Variants in MEI4 observed in about 807,000 individuals in gnomAD.
MEI4 encodes the protein meiotic double-stranded break formation protein 4.
In MEI4, 27 loss-of-function variants were observed where a neutral mutation model predicts 31.4. The observed-to-expected ratio is 0.86, with a 90% CI of 0.63 to 1.19. The LOEUF is 1.19. MEI4 is among the 50% of genes most tolerant of loss of function. The pLI is 0.00. For synonymous variants in MEI4, 122 were observed against 145.4 expected, an observed-to-expected ratio of 0.84 and a Z score of 1.16; for missense variants, 329 against 398.9, an observed-to-expected ratio of 0.82 and a Z score of 1.49.
rs182413714 is a variant in MEI4 at position 77,728,068 on chromosome 6, T to C, written c.233-33062T>C. On this transcript the variant is annotated intron_variant, in intron 2 of 4. Coordinates refer to ENST00000684080, the MANE Select transcript of MEI4 (RefSeq NM_001322247.2). The stretch of plus-strand genomic sequence containing the variant: ...AGAGTGAAGGTGAAAGGTGAAAGAA[T>C]TGGAAGGTGAATTAAAATTGCAGAC... 3.8e-3 allele frequency among the ~76,000 whole-genome samples: 576 copies of C among 152,294 alleles called. 2 individuals are homozygous for C. Among genetic ancestry groups the C allele is most frequent in the Non-Finnish European group, 5.9e-3 (404 of 68,032 alleles).
At chr6:77,896,262 C>A (rs1304155539) in intron 4 of MEI4, among the ~76,000 whole-genome samples, 1 of 152,054 alleles carries the variant, frequency 6.6e-6, no homozygotes, top group East Asian at 1.9e-4. Context: ...ATCACCATAT[C>A]CACCAGTCTG....
chr6:77,787,699 TAACC>T (rs1349709887), intron 3 of MEI4, among the ~76,000 whole-genome samples: 1 of 152,094 alleles, frequency 6.6e-6, no homozygotes, highest in Non-Finnish European at 1.5e-5. Flanking sequence ...AAGGCTCTAA[TAACC>T]AACCATAAAG....
At chr6:77,894,175 GTGTT>G (rs1319192498) in intron 4 of MEI4, among the ~76,000 whole-genome samples, 4 of 152,056 alleles carry the variant, frequency 2.6e-5, no homozygotes, top group East Asian at 1.9e-4. Flanking sequence ...ATGTGACAAA[GTGTT>G]TGAAATATTA....
chr6:77,722,540 G>GTATATA (rs1470640907), intron 2 of MEI4, among the ~76,000 whole-genome samples: 1 of 150,738 alleles, frequency 6.6e-6, no homozygotes, highest in African/African-American at 2.5e-5. Flanking sequence ...TTTTTCCCTA[G>GTATATA]TCCCTTTCCT....
intron 4 of MEI4, among the ~76,000 whole-genome samples, chr6:77,848,033 T>G (rs1196373270): frequency 6.6e-6 from 1 of 152,184 alleles, no homozygotes; most frequent in Non-Finnish European, 1.5e-5. Flanking sequence ...TGATTTCGGG[T>G]ACAAACTAAT....
chr6:77,732,655 C>G (rs9341687), intron 2 of MEI4, among the ~76,000 whole-genome samples: 122,656 of 151,852 alleles, frequency 0.81, 49,842 homozygotes, highest in East Asian at 0.94. Flanking sequence ...CCAAGACTTC[C>G]AACACTATGT....
chr6:77,697,769 G>T (rs1180651069), intron 2 of MEI4, among the ~76,000 whole-genome samples: 1 of 152,178 alleles, frequency 6.6e-6, no homozygotes, highest in Admixed American at 6.5e-5. Context: ...GAGTTCTGTA[G>T]ATGTCTATTA....
intron 4 of MEI4, among the ~76,000 whole-genome samples, chr6:77,856,710 T>A (rs1457617557): frequency 6.6e-6 from 1 of 152,144 alleles, no homozygotes; most frequent in Non-Finnish European, 1.5e-5. Context: ...CACTCACAGC[T>A]ACACAGATTT....
intron 4 of MEI4, among the ~76,000 whole-genome samples, chr6:77,919,624 C>G (rs951620362): frequency 1.3e-4 from 19 of 151,152 alleles, no homozygotes; most frequent in African/African-American, 4.4e-4. Context: ...CAAAAGCTAG[C>G]AGAAGGCAAG....
chr6:77,868,499 C>CTATATATATATA (rs71558933), intron 4 of MEI4, among the ~76,000 whole-genome samples: 8,306 of 61,204 alleles, frequency 0.14, 1,155 homozygotes, highest in Non-Finnish European at 0.18. Flanking sequence ...GTAAAAAATA[C>CTATATATATATA]TACATATATA....
At chr6:77,918,680 G>T (rs1245118357) in intron 4 of MEI4, among the ~76,000 whole-genome samples, 1 of 151,820 alleles carries the variant, frequency 6.6e-6, no homozygotes, top group East Asian at 1.9e-4. Context: ...TGAGACAATG[G>T]GGTTTTCCAG....
In MEI4 at chr6:77,768,544, A is replaced by G. The variant is rs1392896113; in HGVS notation, c.768+6879A>G. Among the ~76,000 whole-genome samples, 3 of 152,132 alleles carry G rather than the reference A, an allele frequency of 2.0e-5. No homozygotes were observed. In the East Asian group the frequency reaches 5.8e-4, roughly 29 times the overall value. ...GGAAAACCCTGTCTCTACTAAAAAT[A>G]CAAAAAATAGCCAGACATGGTGGCA... On this transcript the variant is annotated intron_variant, in intron 3 of 4. Coordinates refer to ENST00000684080, the MANE Select transcript of MEI4 (RefSeq NM_001322247.2).
At chr6:77,829,558 A>G (rs1038357737) in intron 4 of MEI4, among the ~76,000 whole-genome samples, 1 of 152,138 alleles carries the variant, frequency 6.6e-6, no homozygotes, top group Non-Finnish European at 1.5e-5. Flanking sequence ...GTATTATTAG[A>G]GCACTTCAGG....
In MEI4 at chr6:77,923,706, CAAAGAA is replaced by C. The variant is rs1766769088; in HGVS notation, c.*362_*367del. 8.8e-6 allele frequency: 1 copy of C among 113,484 alleles called. No homozygotes were observed. Among genetic ancestry groups the C allele is most frequent in the East Asian group, 3.1e-4 (1 of 3,220 alleles). The allele number at this position is 113,484 out of a possible 1,614,324, so 7.0% of individuals were successfully genotyped here. ...CATATAATTGATGCTAAATGGTAAT[CAAAGAA>C]AGAGATTTTTAAAGAAGTTTAGTTG... On this transcript the variant is annotated 3_prime_UTR_variant, in exon 5 of 5. Coordinates refer to ENST00000684080, the MANE Select transcript of MEI4 (RefSeq NM_001322247.2).
chr6:77,866,687 A>C (rs1373681887), intron 4 of MEI4, among the ~76,000 whole-genome samples: 1 of 152,230 alleles, frequency 6.6e-6, no homozygotes, highest in African/African-American at 2.4e-5. Flanking sequence ...ATCCCCATCA[A>C]GCTACCAATG....
intron 4 of MEI4, among the ~76,000 whole-genome samples, chr6:77,908,393 T>G (rs1322503445): frequency 2.0e-5 from 3 of 152,226 alleles, no homozygotes; most frequent in Non-Finnish European, 2.9e-5. Flanking sequence ...CAGCACCATT[T>G]ATTAAATAGG....
chr6:77,852,585 G>GTTTTT (rs58175580), intron 4 of MEI4, among the ~76,000 whole-genome samples: 6 of 142,622 alleles, frequency 4.2e-5, no homozygotes, highest in African/African-American at 1.3e-4. Context: ...GTTGTTGTTT[G>GTTTTT]TTTTTTTTTT....
chr6:77,700,395 A>G (rs1436180540), intron 2 of MEI4, among the ~76,000 whole-genome samples: 4 of 152,130 alleles, frequency 2.6e-5, no homozygotes, highest in African/African-American at 9.7e-5. Flanking sequence ...CCTCCTAGCC[A>G]TGTGTGGGAT....
chr6:77,756,233 C>T (rs143532597), intron 2 of MEI4, among the ~76,000 whole-genome samples: 1 of 152,248 alleles, frequency 6.6e-6, no homozygotes, highest in South Asian at 2.1e-4. Flanking sequence ...ATATTTATGA[C>T]TATTATCAGA....
Sources: gnomAD v4.1 joint callset for allele counts (sites outside exome capture counted in the v4.1 genomes callset) on GRCh38, gnomAD v4.1.1 for gene constraint, MANE v1.5 for transcripts, NCBI Gene and HGNC (gene_info 2026-07-23, HGNC 2026-07-21) for gene names.